The following UPF3A variants were observed in gnomAD, a reference collection of about 807,000 sequenced individuals.
UPF3A encodes the protein UPF3A regulator of nonsense mediated mRNA decay.
In UPF3A, 42 loss-of-function variants were observed where a neutral mutation model predicts 53.5. The observed-to-expected ratio is 0.78, with a 90% CI of 0.61 to 1.01. UPF3A has a LOEUF of 1.01. Among genes scored for constraint, UPF3A ranks in the 50% least tolerant of loss-of-function variants. UPF3A has a pLI of 0.00. For synonymous variants in UPF3A, 237 were observed against 225.3 expected (o/e 1.05, Z -0.47); for missense variants, 575 against 598.0 (o/e 0.96, Z 0.40).
At chr13:114,296,553 G>A (rs932486834) in intron 7 of UPF3A, among the ~76,000 whole-genome samples, 3 of 152,074 alleles carry the variant, frequency 2.0e-5, no homozygotes, top group East Asian at 1.9e-4. Context: ...GCCAATAATC[G>A]AGAAAACAGT....
chr13:114,299,312 G>A (rs962074571), intron 8 of UPF3A, among the ~76,000 whole-genome samples: 14 of 152,136 alleles, frequency 9.2e-5, no homozygotes, highest in Admixed American at 6.6e-5. Context: ...TTCAGGATCT[G>A]TCTTCCCAGT....
chr13:114,301,575 A>G (rs534162826), intron 8 of UPF3A, among the ~76,000 whole-genome samples, 156 bp from the exon 9 acceptor site: 7 of 152,302 alleles, frequency 4.6e-5, no homozygotes, highest in Admixed American at 2.6e-4. Context: ...GTTTTTATCA[A>G]CGCCTGCTGT....
intron 5 of UPF3A, chr13:114,287,703 A>G (rs2084858976): frequency 6.6e-6 from 1 of 152,156 alleles, no homozygotes; most frequent in Non-Finnish European, 1.5e-5. Context: ...GTGGAACTAT[A>G]TTTTCATCTT....
intron 3 of UPF3A, chr13:114,284,941 C>G (rs2084527327): frequency 6.6e-6 from 1 of 152,292 alleles, no homozygotes. Context: ...GCGTGAGCCG[C>G]TGCCCTGCCG....
At chr13:114,286,497 CT>C in intron 4 of UPF3A, 21 bp from the exon 5 acceptor site, 2 of 1,609,724 alleles carry the variant, frequency 1.2e-6, no homozygotes, top group Non-Finnish European at 1.7e-6. Flanking sequence ...TATTTATTTT[CT>C]TCCTACTTTT....
chr13:114,303,114 T>A (rs915325706), intron 9 of UPF3A, among the ~76,000 whole-genome samples: 5 of 151,870 alleles, frequency 3.3e-5, no homozygotes, highest in African/African-American at 1.2e-4. Context: ...AAAAAAAGTT[T>A]CAGTGAAGTC....
In UPF3A at chr13:114,298,923, C is replaced by G. The variant is rs1443321221; in HGVS notation, c.930C>G (p.Gly310=). Residue 310 remains glycine, a synonymous_variant, in exon 8 of 10, where the codon GGC becomes GGG. Coordinates refer to ENST00000375299, the MANE Select transcript of UPF3A (RefSeq NM_023011.4). ...GAGAGGAGATTGATACTGGAGGTGGCAAGCAGGAATCCTGTGCCCCCGGTG... is the reference window on the plus strand; with the variant it reads ...GAGAGGAGATTGATACTGGAGGTGGGAAGCAGGAATCCTGTGCCCCCGGTG... ...ERGEEIDTGG[G]KQESCAPGAV... 3.1e-6 allele frequency: 5 copies of G among 1,608,744 alleles called. No homozygotes were observed. Among genetic ancestry groups the G allele is most frequent in the Non-Finnish European group, 3.4e-6 (4 of 1,177,794 alleles).
chr13:114,295,487 G>A (rs966164840), intron 7 of UPF3A, among the ~76,000 whole-genome samples: 12 of 151,712 alleles, frequency 7.9e-5, no homozygotes, highest in Admixed American at 1.3e-4. Flanking sequence ...GACTCCGCAC[G>A]TTTCCCTCCA....
At chr13:114,291,860 T>C (rs1035840359) in intron 7 of UPF3A, 68 bp downstream of exon 7, 3 of 1,483,104 alleles carry the variant, frequency 2.0e-6, no homozygotes, top group Admixed American at 4.6e-5. Flanking sequence ...TTTTTACATA[T>C]CTTAGTTCTT....
intron 7 of UPF3A, among the ~76,000 whole-genome samples, chr13:114,292,664 C>T (rs934023714): frequency 5.9e-5 from 9 of 152,054 alleles, no homozygotes; most frequent in South Asian, 2.1e-4. Context: ...AAGGCGTACA[C>T]GTGCAGGTGT....
chr13:114,294,919 T>C lies in UPF3A; in HGVS notation c.846+3127T>C, dbSNP rs189982750. On this transcript the variant is annotated intron_variant, in intron 7 of 9. Transcript: ENST00000375299. ...TTAGGTCAGGAGATCGAGACCATCC[T>C]GGCTAACACGGTGAAACCCTATCTC... is the stretch of plus-strand genomic sequence containing the variant. 3.2e-4 allele frequency among the ~76,000 whole-genome samples: 49 copies of C among 151,348 alleles called. No individual in the cohort carries two copies. In the East Asian group the frequency reaches 6.2e-3, roughly 19 times the overall value.
intron 5 of UPF3A, chr13:114,287,149 A>G (rs1257590829): frequency 6.5e-6 from 1 of 154,420 alleles, no homozygotes; most frequent in African/African-American, 2.4e-5. Context: ...TACTTTAGAA[A>G]TAGTTACTTC....
chr13:114,281,920 A>AGAGAG, intron 1 of UPF3A, 74 bp downstream of exon 1: 1 of 414,084 alleles, frequency 2.4e-6, no homozygotes, highest in East Asian at 4.1e-5. Flanking sequence ...GAGGGAGGGG[A>AGAGAG]GGGAGGGGCG....
chr13:114,301,678 G>A lies in UPF3A; in HGVS notation c.1008-53G>A. 3.2e-6 allele frequency: 5 copies of A among 1,555,880 alleles called. No homozygotes were observed. The South Asian group carries it at 6.1e-5, about 19-fold the overall frequency. Reference sequence around the variant, plus strand: ...AACCTGTGGTCTAGAAAGGAGGGTGGGCAGCCAACCGGCGGTTTACTGCAG... The same window carrying A: ...AACCTGTGGTCTAGAAAGGAGGGTGAGCAGCCAACCGGCGGTTTACTGCAG... On this transcript the variant is annotated intron_variant, in intron 8 of 9. Coordinates refer to ENST00000375299, the MANE Select transcript of UPF3A (RefSeq NM_023011.4).
At chr13:114,289,860 C>T (rs185616152) in intron 5 of UPF3A, among the ~76,000 whole-genome samples, 204 of 152,242 alleles carry the variant, frequency 1.3e-3, no homozygotes, top group Non-Finnish European at 2.5e-3. Flanking sequence ...GTACTTTGCC[C>T]GTGATCCCTG....
chr13:114,303,660 C>T (rs1486104246), intron 9 of UPF3A, among the ~76,000 whole-genome samples: 1 of 152,086 alleles, frequency 6.6e-6, no homozygotes, highest in Non-Finnish European at 1.5e-5. Context: ...GTGACACATG[C>T]CTGTAATCCC....
intron 8 of UPF3A, among the ~76,000 whole-genome samples, chr13:114,300,831 G>A (rs1239890065): frequency 6.6e-6 from 1 of 151,426 alleles, no homozygotes; most frequent in Non-Finnish European, 1.5e-5. Context: ...GAGCCGCTGT[G>A]CCTGGCCTAA....
rs575181082 is a variant in UPF3A, at chr13:114,286,712, G to C, written c.631+83G>C. The C allele has an allele frequency of 5.4e-6, 6 of 1,119,908 alleles. No homozygotes were observed. In the East Asian group the frequency reaches 1.5e-4, roughly 28 times the overall value. 69.4% of individuals were successfully genotyped at this position (1,119,908 alleles called of 1,614,324 possible). A position where few individuals can be genotyped will look rare whatever the true frequency, so the allele number is the denominator to read the frequency against. ...TACGTTTTTTCTCTTTTTCTTGACT[G>C]TGATAACAAGTTGAAACTTGTTACA... On this transcript the variant is annotated intron_variant, in intron 5 of 9. Coordinates refer to ENST00000375299, the MANE Select transcript of UPF3A (RefSeq NM_023011.4).
intron 7 of UPF3A, among the ~76,000 whole-genome samples, chr13:114,296,195 T>C (rs1210602877): frequency 2.0e-5 from 3 of 152,098 alleles, no homozygotes; most frequent in Non-Finnish European, 2.9e-5. Context: ...CCAGCCTGGC[T>C]AATATGGTGA....
Sources: gnomAD v4.1 joint callset for allele counts (sites outside exome capture counted in the v4.1 genomes callset) on GRCh38, gnomAD v4.1.1 for gene constraint, MANE v1.5 for transcripts, NCBI Gene and HGNC (gene_info 2026-07-23, HGNC 2026-07-21) for gene names.